Variants in CST3 observed in about 807,000 individuals in gnomAD.
CST3 encodes cystatin C, also known as cystatin-C.
A neutral mutation model predicts 9.0 loss-of-function variants in CST3; 14 were observed. That is an observed-to-expected ratio of 1.56 (90% CI 1.03 to 2.44). The LOEUF is 2.44. CST3 is among the 30% of genes most tolerant of loss of function. The pLI is 0.00. For synonymous variants in CST3, 96 were observed against 90.2 expected (o/e 1.06, Z -0.37); for missense variants, 237 against 204.3 (o/e 1.16, Z -0.98).
intron 1 of CST3, among the ~76,000 whole-genome samples, chr20:23,637,397 C>T (rs1189106243): frequency 6.6e-6 from 1 of 152,206 alleles, no homozygotes; most frequent in Non-Finnish European, 1.5e-5. Context: ...TCTTAGGCGC[C>T]GGGCGCGGAC....
At chr20:23,632,490 C>T (rs2122465831), downstream of CST3, among the ~76,000 whole-genome samples, 1 of 152,262 alleles carries the variant, frequency 6.6e-6, no homozygotes, top group African/African-American at 2.4e-5. Flanking sequence ...GGGTGCTACA[C>T]TTCCCTCACC....
chr20:23,632,100 C>T (rs911119), downstream of CST3: 113,497 of 151,942 alleles, frequency 0.75, 43,002 homozygotes, highest in East Asian at 0.88. Flanking sequence ...TGGCACCAAC[C>T]TGCTTCCCTG....
chr20:23,627,634 G>A (rs1470784483), exon 4 of CST3: 2 of 152,180 alleles, frequency 1.3e-5, no homozygotes, highest in East Asian at 3.9e-4. Flanking sequence ...TTCCAAAGCA[G>A]CTGCACCATT....
At position 23,633,730 on chromosome 20, in the gene CST3, A is replaced by C; in HGVS notation, c.*186T>G. ...ACCGGGGCTATGAGAAGCAAGAAGG[A>C]AGGAGGGAGGGCAGAGCCCCTTGCT... On this transcript the variant is annotated 3_prime_UTR_variant, in exon 3 of 3. Coordinates refer to ENST00000376925, the MANE Select transcript of CST3 (RefSeq NM_000099.4). 1.5e-6 allele frequency: 1 copy of C among 678,512 alleles called. No homozygotes were observed. The highest frequency in any genetic ancestry group is 2.7e-6 in the Non-Finnish European group (1 of 370,832). The allele number at this position is 678,512 out of a possible 1,614,324, so 42.0% of individuals were successfully genotyped here.
intron 2 of CST3, 105 bp downstream of exon 2, chr20:23,635,149 G>T: frequency 1.0e-6 from 1 of 991,520 alleles, no homozygotes; most frequent in Non-Finnish European, 1.6e-6. Flanking sequence ...ACACACTCAG[G>T]CACATGCACA....
At position 23,635,291 on chromosome 20, in the gene CST3, T is replaced by C. The variant is rs2122474732; in HGVS notation, c.320A>G (p.Asp107Gly). ...TTCTKTQPNL[D>G]NCPFHDQPHL... ...TGGCTGGTCATGGAAGGGGCAGTTG[T>C]CCAAGTTGGGCTGGGTCTTGGTACA... Residue 107 changes from aspartate (D) to glycine (G), a missense_variant, in exon 2 of 3, where the codon GAC becomes GGC. Physicochemically the swap from Asp to Gly is moderately conservative, Grantham distance 94. Transcript: ENST00000376925. 2 of 1,614,148 alleles carry C rather than the reference T, an allele frequency of 1.2e-6. No individual in the cohort carries two copies. The highest frequency in any genetic ancestry group is 1.1e-5 in the South Asian group (1 of 91,084).
chr20:23,630,020 G>A (rs1250680285), downstream of CST3, among the ~76,000 whole-genome samples: 1 of 152,238 alleles, frequency 6.6e-6, no homozygotes, highest in Non-Finnish European at 1.5e-5. Flanking sequence ...TGTGTCCACA[G>A]GCAGATGTGA....
At chr20:23,627,112 G>T (rs1314169205) in exon 4 of CST3, 1 of 152,180 alleles carries the variant, frequency 6.6e-6, no homozygotes, top group Non-Finnish European at 1.5e-5. Context: ...TTGTGCAAAT[G>T]GACGTATAAT....
In CST3 at chr20:23,633,847, G is replaced by A; in HGVS notation, c.*69C>T. 5 of 1,334,788 alleles carry A rather than the reference G, an allele frequency of 3.7e-6. No homozygotes were observed. Among genetic ancestry groups the A allele is most frequent in the Non-Finnish European group, 5.4e-6 (5 of 927,088 alleles). The allele number at this position is 1,334,788 out of a possible 1,614,324, so 82.7% of individuals were successfully genotyped here. On this transcript the variant is annotated 3_prime_UTR_variant, in exon 3 of 3. Coordinates refer to ENST00000376925, the MANE Select transcript of CST3 (RefSeq NM_000099.4). Reference sequence around the variant, plus strand: ...CCCAAGGCAGGGGCCACCAGTCCAGGGGTGGGAATACAGGGGGTGGGAGGT... The same window carrying A: ...CCCAAGGCAGGGGCCACCAGTCCAGAGGTGGGAATACAGGGGGTGGGAGGT...
chr20:23,633,439 C>T (rs1432940871), downstream of CST3, among the ~76,000 whole-genome samples: 1 of 152,184 alleles, frequency 6.6e-6, no homozygotes, highest in Non-Finnish European at 1.5e-5. Context: ...CCAGGGGCTG[C>T]TGTGGCTCAA....
At chr20:23,632,683 A>G (rs956435931), downstream of CST3, among the ~76,000 whole-genome samples, 2 of 152,144 alleles carry the variant, frequency 1.3e-5, no homozygotes, top group Non-Finnish European at 2.9e-5. Context: ...CAGCCAAAAG[A>G]GGGGGTCAGT....
downstream of CST3, among the ~76,000 whole-genome samples, chr20:23,633,131 C>T (rs1252663497): frequency 6.6e-6 from 1 of 152,182 alleles, no homozygotes; most frequent in East Asian, 1.9e-4. Context: ...TGCTCAGTTA[C>T]ACAGACAGGC....
chr20:23,629,536 A>G (rs1330111906), downstream of CST3: 2 of 152,242 alleles, frequency 1.3e-5, no homozygotes, highest in Admixed American at 6.5e-5. Context: ...CCTCACAAAG[A>G]AGGTGGTCCT....
In CST3 at chr20:23,633,756, G is replaced by A; in HGVS notation, c.*160C>T. 1 of 716,396 alleles carries A rather than the reference G, an allele frequency of 1.4e-6. No individual in the cohort carries two copies. Among genetic ancestry groups the A allele is most frequent in the Admixed American group, 2.0e-5 (1 of 49,914 alleles). The allele number at this position is 716,396 out of a possible 1,614,324, so 44.4% of individuals were successfully genotyped here. Reference sequence around the variant, plus strand: ...AGGAGGGAGGGCAGAGCCCCTTGCTGAGCAACAAAGGCCGCCTGCTGCCTT... The same window carrying A: ...AGGAGGGAGGGCAGAGCCCCTTGCTAAGCAACAAAGGCCGCCTGCTGCCTT... On this transcript the variant is annotated 3_prime_UTR_variant, in exon 3 of 3. Transcript: ENST00000376925.
rs574685880 is a variant in CST3 at position 23,627,385 on chromosome 20, G to A, written c.*2083C>T. On this transcript the variant is annotated 3_prime_UTR_variant, in exon 4 of 4. Transcript: ENST00000398411. ...GGTCATGTCATTCTCTTTTATGCCC[G>A]TTCATTTTCCATTGTATGAATAGAC... 9.2e-5 allele frequency: 14 copies of A among 152,164 alleles called. No individual in the cohort carries two copies. The South Asian group carries it at 1.7e-3, about 18-fold the overall frequency. 9.4% of individuals were successfully genotyped at this position (152,164 alleles called of 1,614,324 possible). A position where few individuals can be genotyped will look rare whatever the true frequency, so the allele number is the denominator to read the frequency against.
exon 4 of CST3, chr20:23,627,006 A>T (rs991436109): frequency 5.3e-5 from 8 of 152,182 alleles, no homozygotes; most frequent in African/African-American, 1.7e-4. Flanking sequence ...TAGCTTTGGG[A>T]TGAAACTTTT....
chr20:23,631,350 A>T (rs920817415), downstream of CST3, among the ~76,000 whole-genome samples: 1 of 152,114 alleles, frequency 6.6e-6, no homozygotes. Flanking sequence ...CAATGCTTCT[A>T]AGATTTCTAT....
chr20:23,630,437 G>C (rs1002420137), downstream of CST3, among the ~76,000 whole-genome samples: 2 of 152,216 alleles, frequency 1.3e-5, no homozygotes, highest in African/African-American at 2.4e-5. Context: ...GGTAATTAAA[G>C]GAATGTCTGT....
In CST3 at chr20:23,637,926, G is replaced by T; in HGVS notation, c.-64C>A. On this transcript the variant is annotated 5_prime_UTR_variant, in exon 1 of 3. Transcript: ENST00000376925. ...GCGAGAGGCTGGAGCTAGATAGAGA[G>T]GACCCGCTGCGATACCGAGGCGAGG... is the stretch of plus-strand genomic sequence containing the variant. 1 of 1,344,588 alleles carries T rather than the reference G, an allele frequency of 7.4e-7. No homozygotes were observed. Among genetic ancestry groups the T allele is most frequent in the Non-Finnish European group, 9.5e-7 (1 of 1,055,968 alleles). 83.3% of individuals were successfully genotyped at this position (1,344,588 alleles called of 1,614,324 possible). A position where few individuals can be genotyped will look rare whatever the true frequency, so the allele number is the denominator to read the frequency against.
Sources: allele counts gnomAD v4.1 joint callset (sites outside exome capture counted in the v4.1 genomes callset), GRCh38; gene constraint gnomAD v4.1.1; transcripts MANE v1.5; gene names NCBI Gene and HGNC (gene_info 2026-07-23, HGNC 2026-07-21).